The following NEGR1 variants were observed in gnomAD, a reference collection of about 807,000 sequenced individuals.
NEGR1 encodes IgLON family member 4.
A neutral mutation model predicts 40.9 loss-of-function variants in NEGR1; 10 were observed. The observed-to-expected ratio is 0.24, with a 90% CI of 0.15 to 0.42. The LOEUF (loss-of-function observed/expected upper bound fraction) is 0.42. Ranked by LOEUF, NEGR1 falls within the 10% of genes least tolerant of loss-of-function variation. The pLI, the probability that NEGR1 is intolerant of heterozygous loss-of-function variation, is 1.00. For synonymous variants in NEGR1, 185 were observed against 166.8 expected, an observed-to-expected ratio of 1.11 and a Z score of -0.84; for missense variants, 352 against 438.9, an observed-to-expected ratio of 0.80 and a Z score of 1.77.
intron 1 of NEGR1, among the ~76,000 whole-genome samples, chr1:71,996,180 T>C (rs1309275408): frequency 6.6e-6 from 1 of 152,094 alleles, no homozygotes; most frequent in Non-Finnish European, 1.5e-5. Flanking sequence ...ATTATAAAAA[T>C]ATGGATGTAT....
chr1:71,977,554 G>T (rs925721517), intron 1 of NEGR1, among the ~76,000 whole-genome samples: 1 of 151,818 alleles, frequency 6.6e-6, no homozygotes, highest in African/African-American at 2.4e-5. Context: ...CGTAAAAACC[G>T]AATCTAAAAG....
intron 4 of NEGR1, among the ~76,000 whole-genome samples, chr1:71,616,266 C>A (rs79101170): frequency 0.016 from 2,411 of 152,244 alleles, 36 homozygotes; most frequent in Middle Eastern, 0.034. Flanking sequence ...CAAATGCTCC[C>A]CATCGCTGGC....
intron 2 of NEGR1, among the ~76,000 whole-genome samples, chr1:71,871,722 A>G (rs1231813165): frequency 6.6e-6 from 1 of 152,154 alleles, no homozygotes; most frequent in East Asian, 1.9e-4. Flanking sequence ...TTTACTGTCA[A>G]CAAGATAGTT....
At chr1:72,104,598 T>C (rs1043079452) in intron 1 of NEGR1, among the ~76,000 whole-genome samples, 1 of 152,174 alleles carries the variant, frequency 6.6e-6, no homozygotes, top group South Asian at 2.1e-4. Flanking sequence ...GTTTTTATTT[T>C]AAAAGAAAAT....
intron 2 of NEGR1, among the ~76,000 whole-genome samples, chr1:71,862,555 G>T (rs1659981689): frequency 6.6e-6 from 1 of 151,986 alleles, no homozygotes; most frequent in Admixed American, 6.6e-5. Flanking sequence ...TAAGGAGTTG[G>T]TGGCTTTCCT....
At chr1:71,569,090 G>C (rs529661026) in intron 6 of NEGR1, among the ~76,000 whole-genome samples, 3 of 151,942 alleles carry the variant, frequency 2.0e-5, no homozygotes, top group African/African-American at 7.2e-5. Flanking sequence ...CTAATTTTTT[G>C]TATTTTTAGT....
At chr1:71,793,922 A>T (rs949719923) in intron 2 of NEGR1, among the ~76,000 whole-genome samples, 4 of 152,156 alleles carry the variant, frequency 2.6e-5, no homozygotes, top group Admixed American at 1.3e-4. Flanking sequence ...ATACAACAAA[A>T]TTCACAATGC....
At chr1:72,113,207 G>A (rs1274526336) in intron 1 of NEGR1, among the ~76,000 whole-genome samples, 1 of 151,610 alleles carries the variant, frequency 6.6e-6, no homozygotes, top group Admixed American at 6.6e-5. Flanking sequence ...TGGACCAAAG[G>A]CCTAAGTCTT....
intron 6 of NEGR1, among the ~76,000 whole-genome samples, chr1:71,437,348 G>T (rs920101105): frequency 6.6e-6 from 1 of 151,970 alleles, no homozygotes. Flanking sequence ...TGTGGTGATG[G>T]TTGCACAACT....
intron 4 of NEGR1, among the ~76,000 whole-genome samples, chr1:71,624,135 A>C (rs1195316357): frequency 6.6e-6 from 1 of 151,936 alleles, no homozygotes; most frequent in Non-Finnish European, 1.5e-5. Flanking sequence ...TGCAAAGCTT[A>C]TCTGTGAATT....
intron 2 of NEGR1, among the ~76,000 whole-genome samples, chr1:71,797,727 G>C (rs375051133): frequency 6.6e-6 from 1 of 152,164 alleles, no homozygotes; most frequent in African/African-American, 2.4e-5. Flanking sequence ...GAATGGCTCT[G>C]AATAATGTAT....
In NEGR1 at chr1:71,570,553, T is replaced by G. The variant is rs559713215; in HGVS notation, c.940+22264A>C. Among the ~76,000 whole-genome samples the G allele has an allele frequency of 4.6e-5, 7 of 152,272 alleles. No homozygotes were observed. The East Asian group carries it at 1.3e-3, about 29-fold the overall frequency. ...ACTGTATTATAAGTACTTTTCTTAT[T>G]TGTTAATGCATACTTCCAGTGGTCA... is the stretch of plus-strand genomic sequence containing the variant. On this transcript the variant is annotated intron_variant, in intron 6 of 6. Coordinates refer to ENST00000357731, the MANE Select transcript of NEGR1 (RefSeq NM_173808.3).
At chr1:72,226,799 G>A (rs1212673987) in intron 1 of NEGR1, among the ~76,000 whole-genome samples, 1 of 151,840 alleles carries the variant, frequency 6.6e-6, no homozygotes, top group Non-Finnish European at 1.5e-5. Context: ...TTATTTTTCT[G>A]AGCTTCATAG....
intron 3 of NEGR1, among the ~76,000 whole-genome samples, chr1:71,745,874 C>G (rs1655364920): frequency 6.6e-6 from 1 of 152,132 alleles, no homozygotes; most frequent in Non-Finnish European, 1.5e-5. Context: ...TTGCATCCTG[C>G]CTTTCTGTGT....
chr1:71,758,161 T>C (rs1655806430), intron 3 of NEGR1, among the ~76,000 whole-genome samples: 1 of 152,172 alleles, frequency 6.6e-6, no homozygotes. Flanking sequence ...GTCCTAACCA[T>C]AGTCCTTTTA....
intron 1 of NEGR1, among the ~76,000 whole-genome samples, chr1:72,091,026 C>G (rs957259201): frequency 5.3e-5 from 8 of 152,266 alleles, no homozygotes; most frequent in African/African-American, 1.9e-4. Context: ...TCATCACCTG[C>G]ATCTGATAAA....
At chr1:72,078,710 G>A (rs542061193) in intron 1 of NEGR1, among the ~76,000 whole-genome samples, 1 of 150,018 alleles carries the variant, frequency 6.7e-6, no homozygotes, top group Admixed American at 6.7e-5. Context: ...CGTGATTTCG[G>A]CTCACTGTAA....
intron 4 of NEGR1, among the ~76,000 whole-genome samples, chr1:71,620,295 G>A (rs1430199006): frequency 6.6e-6 from 1 of 151,958 alleles, no homozygotes; most frequent in Non-Finnish European, 1.5e-5. Flanking sequence ...GTTTGAAAAC[G>A]CTGTGGAAAA....
At chr1:71,794,868 T>C (rs1397049858) in intron 2 of NEGR1, among the ~76,000 whole-genome samples, 1 of 152,004 alleles carries the variant, frequency 6.6e-6, no homozygotes, top group Non-Finnish European at 1.5e-5. Context: ...TCTGAATATA[T>C]AAATAATTTC....
Sources: gnomAD v4.1 joint callset for allele counts (sites outside exome capture counted in the v4.1 genomes callset) on GRCh38, gnomAD v4.1.1 for gene constraint, MANE v1.5 for transcripts, NCBI Gene and HGNC (gene_info 2026-07-23, HGNC 2026-07-21) for gene names.